MRPL39: variants seen among roughly 807,000 people sequenced by gnomAD.
MRPL39 encodes large ribosomal subunit protein mL39.
MRPL39 carries 35 observed loss-of-function variants against 44.5 expected under a neutral mutation model. The ratio of observed to expected loss-of-function variants is 0.79; its 90% CI spans 0.60 to 1.04. MRPL39 has a LOEUF of 1.04. Among genes scored for constraint, MRPL39 ranks in the 50% least tolerant of loss-of-function variants. The probability of loss-of-function intolerance (pLI) is 0.00; values close to 1 mark genes in which losing one functional copy is unlikely to be tolerated. For missense variants in MRPL39, 433 were observed against 413.5 expected (o/e 1.05, Z -0.41); for synonymous variants, 139 against 136.1 (o/e 1.02, Z -0.15).
intron 8 of MRPL39, among the ~76,000 whole-genome samples, chr21:25,591,272 A>G (rs148384748): frequency 2.7e-3 from 412 of 152,224 alleles, no homozygotes; most frequent in African/African-American, 8.8e-3. Flanking sequence ...CATAATCTAT[A>G]AAAACAAAAA....
chr21:25,593,108 CCT>C (rs2031235266), intron 7 of MRPL39, 143 bp from the exon 8 acceptor site: 1 of 658,438 alleles, frequency 1.5e-6, no homozygotes, highest in African/African-American at 1.8e-5. Context: ...TCTAATGACC[CCT>C]GACATAATGA....
chr21:25,592,993 A>G (rs751582665), intron 7 of MRPL39, 28 bp from the exon 8 acceptor site: 18 of 1,551,062 alleles, frequency 1.2e-5, no homozygotes, highest in Non-Finnish European at 1.4e-5. Context: ...AAATAAACAA[A>G]ACTGCAACAT....
chr21:25,593,014 G>A, intron 7 of MRPL39, 49 bp from the exon 8 acceptor site: 1 of 1,467,870 alleles, frequency 6.8e-7, no homozygotes, highest in Non-Finnish European at 9.2e-7. Context: ...CAAATAATTT[G>A]TAAGAGCTTG....
intron 8 of MRPL39, among the ~76,000 whole-genome samples, chr21:25,590,400 G>A (rs1390782890): frequency 1.3e-5 from 2 of 150,302 alleles, no homozygotes; most frequent in African/African-American, 2.5e-5. Flanking sequence ...AAAAAAAATC[G>A]CAAGAAAACC....
At chr21:25,603,962 C>G in intron 2 of MRPL39, 27 bp from the exon 3 acceptor site, 1 of 1,588,990 alleles carries the variant, frequency 6.3e-7, no homozygotes. Context: ...GACTGATTAT[C>G]TAACAAAATC....
In MRPL39 at chr21:25,588,890, A is replaced by G. The variant is rs749723515; in HGVS notation, c.922-8T>C. 1 of 1,611,650 alleles carries G rather than the reference A, an allele frequency of 6.2e-7. No individual in the cohort carries two copies. Among genetic ancestry groups the G allele is most frequent in the Admixed American group, 1.7e-5 (1 of 59,940 alleles). ...CCATATTGTAAAATGTGCCTTGAAA[A>G]GAAAAGATTTGCGATGAACTAAATG... On this transcript the variant is annotated splice_polypyrimidine_tract_variant and splice_region_variant and intron_variant, in intron 8 of 9. Coordinates refer to ENST00000352957, the MANE Select transcript of MRPL39 (RefSeq NM_017446.4).
At chr21:25,598,458 GAGAA>G (rs1268218692) in intron 5 of MRPL39, among the ~76,000 whole-genome samples, 2 of 149,918 alleles carry the variant, frequency 1.3e-5, no homozygotes, top group East Asian at 1.9e-4. Context: ...AAAAAAGAGA[GAGAA>G]AGAAAGAAAA....
chr21:25,586,597 G>A (rs867712791), intron 9 of MRPL39, among the ~76,000 whole-genome samples: 3 of 152,120 alleles, frequency 2.0e-5, no homozygotes, highest in South Asian at 2.1e-4. Context: ...TCCACAACAC[G>A]GGACACAAGC....
intron 3 of MRPL39, among the ~76,000 whole-genome samples, chr21:25,602,591 T>C (rs895615477): frequency 6.6e-6 from 1 of 152,182 alleles, no homozygotes; most frequent in African/African-American, 2.4e-5. Context: ...ATAAGGGAAA[T>C]GGTCCCTATC....
At chr21:25,599,711 A>G in intron 5 of MRPL39, 88 bp downstream of exon 5, 1 of 1,032,852 alleles carries the variant, frequency 9.7e-7, no homozygotes, top group Middle Eastern at 2.1e-4. Flanking sequence ...CTCAACATGC[A>G]GTACCATTCA....
chr21:25,603,590 A>C (rs903328155), intron 3 of MRPL39, among the ~76,000 whole-genome samples: 5 of 152,208 alleles, frequency 3.3e-5, no homozygotes, highest in African/African-American at 1.2e-4. Context: ...TAAAAGACAT[A>C]GCATACAAAA....
intron 6 of MRPL39, 101 bp downstream of exon 6, chr21:25,597,195 ACACTGT>A (rs1339234480): frequency 7.4e-6 from 5 of 676,254 alleles, no homozygotes; most frequent in Admixed American, 3.3e-5. Context: ...GGAAAATAAT[ACACTGT>A]CACATGTATA....
chr21:25,603,916 G>A lies in MRPL39; in HGVS notation c.300C>T (p.Cys100=), dbSNP rs772785885. The A allele has an allele frequency of 8.7e-6, 14 of 1,609,240 alleles. No individual in the cohort carries two copies. Among genetic ancestry groups the A allele is most frequent in the Non-Finnish European group, 1.1e-5 (13 of 1,178,672 alleles). ...CCACCAGAGCCAGAATGGACTTCCT[G>A]CAATACCACTCGCTTAAATCTAGAA... ...SCAMHLSEWY[C]RKSILALVDG... The change falls in exon 3 of 10, where the codon TGC becomes TGT. Residue 100 remains cysteine (C), a synonymous_variant. Coordinates refer to ENST00000352957, the MANE Select transcript of MRPL39 (RefSeq NM_017446.4).
chr21:25,603,198 G>C (rs1239599419), intron 3 of MRPL39, among the ~76,000 whole-genome samples: 2 of 152,090 alleles, frequency 1.3e-5, no homozygotes, highest in African/African-American at 4.8e-5. Flanking sequence ...CTAATACAGT[G>C]ACCAAGTACT....
intron 8 of MRPL39, among the ~76,000 whole-genome samples, chr21:25,591,044 G>A (rs1415094162): frequency 2.9e-5 from 4 of 139,384 alleles, no homozygotes; most frequent in Admixed American, 2.4e-4. Flanking sequence ...CCTTTTCAAC[G>A]AATGGTGTTG....
intron 3 of MRPL39, 145 bp downstream of exon 3, chr21:25,603,651 A>G: frequency 1.2e-6 from 1 of 831,700 alleles, no homozygotes; most frequent in African/African-American, 1.7e-5. Context: ...AAAGTGCCTA[A>G]TCTAACAGGT....
chr21:25,590,319 C>T (rs945282879), intron 8 of MRPL39, among the ~76,000 whole-genome samples: 3 of 151,450 alleles, frequency 2.0e-5, no homozygotes, highest in Non-Finnish European at 4.4e-5. Context: ...CTGGGCCACA[C>T]TGGAAGAAGA....
intron 9 of MRPL39, among the ~76,000 whole-genome samples, chr21:25,586,450 C>T (rs2031000609): frequency 6.6e-6 from 1 of 152,212 alleles, no homozygotes; most frequent in Non-Finnish European, 1.5e-5. Context: ...GCTTAAGTCA[C>T]AGCTATATCC....
At chr21:25,595,909 T>C (rs915977231) in intron 6 of MRPL39, among the ~76,000 whole-genome samples, 1 of 152,186 alleles carries the variant, frequency 6.6e-6, no homozygotes, top group African/African-American at 2.4e-5. Context: ...GTCGAATCAA[T>C]GCTATAAATG....
Sources: gnomAD v4.1 joint callset for allele counts (sites outside exome capture counted in the v4.1 genomes callset) on GRCh38, gnomAD v4.1.1 for gene constraint, MANE v1.5 for transcripts, NCBI Gene and HGNC (gene_info 2026-07-23, HGNC 2026-07-21) for gene names.